CRK: variants seen among roughly 807,000 people sequenced by gnomAD.
The protein encoded by CRK is adapter molecule crk.
Under a neutral mutation model 29.8 loss-of-function variants are expected in CRK, and 4 were observed. The observed-to-expected ratio is 0.13, with a 90% confidence interval of 0.07 to 0.31. The LOEUF is 0.31. Among genes scored for constraint, CRK ranks in the 10% least tolerant of loss-of-function variants. CRK has a pLI of 1.00. For missense variants in CRK, 274 were observed against 396.5 expected (o/e 0.69, Z 2.62); for synonymous variants, 153 against 164.9 (o/e 0.93, Z 0.55).
chr17:1,446,575 C>A (rs115076863), intron 1 of CRK, among the ~76,000 whole-genome samples: 148 of 148,008 alleles, frequency 1.0e-3, no homozygotes, highest in African/African-American at 3.5e-3. Context: ...ATAGCGTGAA[C>A]TGGGCTCACT....
chr17:1,430,577 G>C lies in CRK; in HGVS notation c.777+6043C>G, dbSNP rs545417483. Among the ~76,000 whole-genome samples the C allele has an allele frequency of 2.1e-5, 3 of 141,414 alleles. No homozygotes were observed. The South Asian group carries it at 6.9e-4, about 32-fold the overall frequency. 92.8% of individuals were successfully genotyped at this position (141,414 alleles called of 152,430 possible). A position where few individuals can be genotyped will look rare whatever the true frequency, so the allele number is the denominator to read the frequency against. Reference sequence around the variant, plus strand: ...AGATGGGATTTCACAGTATTAGCCAGGATGGTCTCCATTTCCTGACCTCGT... The same window carrying C: ...AGATGGGATTTCACAGTATTAGCCACGATGGTCTCCATTTCCTGACCTCGT... On this transcript the variant is annotated intron_variant, in intron 2 of 2. Coordinates refer to ENST00000300574, the MANE Select transcript of CRK (RefSeq NM_016823.4).
chr17:1,445,022 C>T (rs1438408964), intron 1 of CRK, among the ~76,000 whole-genome samples: 1 of 151,702 alleles, frequency 6.6e-6, no homozygotes, highest in Non-Finnish European at 1.5e-5. Context: ...GTGGCGGGCG[C>T]CTGTAGTCCC....
intron 1 of CRK, among the ~76,000 whole-genome samples, chr17:1,451,192 C>CAAAAAAAAAAAAAA (rs10691537): frequency 1.5e-5 from 1 of 66,962 alleles, no homozygotes; most frequent in African/African-American, 6.2e-5. Flanking sequence ...GAAACTGTCT[C>CAAAAAAAAAAAAAA]AAAAAAAAAA....
At position 1,436,893 on chromosome 17, in the gene CRK, C is replaced by T. The variant is rs751909610; in HGVS notation, c.504G>A (p.Gln168=). 8.1e-6 allele frequency: 13 copies of T among 1,613,882 alleles called. No individual in the cohort carries two copies. In the Admixed American group the frequency reaches 1.2e-4, roughly 14 times the overall value. ...ILRIRDKPEE[Q]WWNAEDSEGK... Reference sequence around the variant, plus strand: ...CTTCGCTGTCCTCCGCATTCCACCACTGCTCTTCAGGCTTGTCCCGGATTC... The same window carrying T: ...CTTCGCTGTCCTCCGCATTCCACCATTGCTCTTCAGGCTTGTCCCGGATTC... The change falls in exon 2 of 3, where the codon CAG becomes CAA. Residue 168 remains glutamine (Q), a synonymous_variant. Coordinates refer to ENST00000300574, the MANE Select transcript of CRK (RefSeq NM_016823.4).
rs377488868 is a variant in CRK at position 1,440,330 on chromosome 17, G to A, written c.242-3175C>T. On this transcript the variant is annotated intron_variant, in intron 1 of 2. Transcript: ENST00000300574. ...AAAAAAAAAATTAGCCAGGCATAGT[G>A]GTGCATGCCTGCAGTTGCAGCTACT... 4.1e-4 allele frequency among the ~76,000 whole-genome samples: 62 copies of A among 151,892 alleles called. No homozygotes were observed. The East Asian group carries it at 0.011, about 27-fold the overall frequency.
chr17:1,450,955 G>T (rs986463615), intron 1 of CRK, among the ~76,000 whole-genome samples: 3 of 151,928 alleles, frequency 2.0e-5, no homozygotes, highest in African/African-American at 7.3e-5. Flanking sequence ...CACTTTAGGA[G>T]GCCGAGGCAG....
At position 1,456,162 on chromosome 17, in the gene CRK, C is replaced by A. The variant is rs1337243344; in HGVS notation, c.-45G>T. 1.4e-6 allele frequency: 2 copies of A among 1,403,198 alleles called. No homozygotes were observed. The highest frequency in any genetic ancestry group is 1.8e-6 in the Non-Finnish European group (2 of 1,082,698). 86.9% of individuals were successfully genotyped at this position (1,403,198 alleles called of 1,614,324 possible). ...CGCTGGGGTGCCGCCGCCGCGCGCG[C>A]CCCTCCGGCCCCCGGCGCCCGCCGC... is the stretch of plus-strand genomic sequence containing the variant. On this transcript the variant is annotated 5_prime_UTR_variant, in exon 1 of 3. Coordinates refer to ENST00000300574, the MANE Select transcript of CRK (RefSeq NM_016823.4).
intron 2 of CRK, among the ~76,000 whole-genome samples, chr17:1,424,064 T>G (rs533936378): frequency 7.3e-6 from 1 of 137,658 alleles, no homozygotes; most frequent in African/African-American, 2.7e-5. Context: ...AGCAGCTTTC[T>G]CCGTTTTTTT....
At chr17:1,454,773 T>C (rs1008088019) in intron 1 of CRK, among the ~76,000 whole-genome samples, 12 of 152,174 alleles carry the variant, frequency 7.9e-5, no homozygotes, top group African/African-American at 2.9e-4. Context: ...ACACATACAA[T>C]GAGAACCCCA....
At position 1,456,176 on chromosome 17, in the gene CRK, G is replaced by T; in HGVS notation, c.-59C>A. 2 of 1,377,910 alleles carry T rather than the reference G, an allele frequency of 1.5e-6. No homozygotes were observed. Among genetic ancestry groups the T allele is most frequent in the South Asian group, 3.5e-5 (2 of 56,718 alleles). 85.4% of individuals were successfully genotyped at this position (1,377,910 alleles called of 1,614,324 possible). A position where few individuals can be genotyped will look rare whatever the true frequency, so the allele number is the denominator to read the frequency against. On this transcript the variant is annotated 5_prime_UTR_variant, in exon 1 of 3. Coordinates refer to ENST00000300574, the MANE Select transcript of CRK (RefSeq NM_016823.4). The stretch of plus-strand genomic sequence containing the variant: ...CGCCGCGCGCGCCCCTCCGGCCCCC[G>T]GCGCCCGCCGCCCAGCGGACCGGCT...
intron 1 of CRK, among the ~76,000 whole-genome samples, chr17:1,449,513 G>A (rs116996447): frequency 1.3e-5 from 2 of 152,204 alleles, no homozygotes; most frequent in African/African-American, 2.4e-5. Context: ...CTTCACAGAT[G>A]AGGAAACTGA....
chr17:1,431,809 T>C (rs1441451797), intron 2 of CRK, among the ~76,000 whole-genome samples: 7 of 152,112 alleles, frequency 4.6e-5, no homozygotes, highest in Non-Finnish European at 1.0e-4. Context: ...CTACTTCAAA[T>C]ACAAAGGTGA....
chr17:1,450,788 A>G (rs1012023694), intron 1 of CRK, among the ~76,000 whole-genome samples: 4 of 152,042 alleles, frequency 2.6e-5, no homozygotes, highest in Non-Finnish European at 5.9e-5. Flanking sequence ...TGGGAGACTA[A>G]GGCAGGAGAA....
chr17:1,440,952 T>C (rs906013504), intron 1 of CRK, among the ~76,000 whole-genome samples: 2 of 152,196 alleles, frequency 1.3e-5, no homozygotes, highest in Admixed American at 6.6e-5. Flanking sequence ...GCTTTGTTGT[T>C]GTCTTGTGAC....
In CRK at chr17:1,437,102, C is replaced by T; in HGVS notation, c.295G>A (p.Ala99Thr). 1 of 1,613,938 alleles carries T rather than the reference C, an allele frequency of 6.2e-7. No individual in the cohort carries two copies. ...TGTATTTTGTAGAATTCCAGTAAAG[C>T]AGGCAATGAATCAAACTCTTGATCT... ...IGDQEFDSLP[A>T]LLEFYKIHYL... The change falls in exon 2 of 3, where the codon GCT becomes ACT. Residue 99 changes from alanine (A) to threonine (T), a missense_variant. By Grantham distance (58) the Ala-to-Thr change is moderately conservative. Coordinates refer to ENST00000300574, the MANE Select transcript of CRK (RefSeq NM_016823.4).
intron 1 of CRK, among the ~76,000 whole-genome samples, chr17:1,455,267 T>C (rs774136269): frequency 9.9e-5 from 15 of 152,166 alleles, no homozygotes; most frequent in Non-Finnish European, 2.1e-4. Context: ...CTATTTCTTC[T>C]AGCACTTAGT....
intron 2 of CRK, among the ~76,000 whole-genome samples, chr17:1,433,476 G>C (rs1482709916): frequency 1.4e-5 from 2 of 146,274 alleles, no homozygotes; most frequent in Non-Finnish European, 3.0e-5. Context: ...CTCCCAAGCA[G>C]CTGAGACCAC....
At chr17:1,455,639 C>T (rs1330651583) in intron 1 of CRK, among the ~76,000 whole-genome samples, 1 of 151,772 alleles carries the variant, frequency 6.6e-6, no homozygotes, top group South Asian at 2.1e-4. Context: ...GAAGCAGTTC[C>T]CCTTCCCCGC....
chr17:1,428,878 T>C (rs1227002230), intron 2 of CRK, among the ~76,000 whole-genome samples: 2 of 147,134 alleles, frequency 1.4e-5, no homozygotes, highest in East Asian at 4.1e-4. Context: ...GGAGCCTCAC[T>C]CTTGTCACCC....
Sources: allele counts gnomAD v4.1 joint callset (sites outside exome capture counted in the v4.1 genomes callset), GRCh38; gene constraint gnomAD v4.1.1; transcripts MANE v1.5; gene names NCBI Gene and HGNC (gene_info 2026-07-23, HGNC 2026-07-21).